ATP6V1H: variants seen among roughly 807,000 people sequenced by gnomAD.
ATP6V1H encodes V-type proton ATPase subunit H.
Under a neutral mutation model 71.7 loss-of-function variants are expected in ATP6V1H, and 39 were observed. The ratio of observed to expected loss-of-function variants is 0.54; its 90% confidence interval spans 0.42 to 0.71. The LOEUF (loss-of-function observed/expected upper bound fraction) is 0.71. ATP6V1H is among the 30% of genes least tolerant of loss of function. ATP6V1H has a pLI of 0.00. For missense variants in ATP6V1H, 509 were observed against 594.9 expected (o/e 0.86, Z 1.50); for synonymous variants, 192 against 199.3 (o/e 0.96, Z 0.31).
intron 1 of ATP6V1H, among the ~76,000 whole-genome samples, chr8:53,842,029 G>T (rs902341215): frequency 1.3e-5 from 2 of 152,034 alleles, no homozygotes; most frequent in Non-Finnish European, 2.9e-5. Context: ...AATAGAATAG[G>T]TATAAATATG....
intron 6 of ATP6V1H, 54 bp from the exon 7 acceptor site, chr8:53,811,271 G>A: frequency 6.6e-7 from 1 of 1,514,246 alleles, no homozygotes; most frequent in Non-Finnish European, 9.2e-7. Context: ...TTATCCTAAT[G>A]TATCAGCTTA....
chr8:53,801,393 T>C (rs977870978), intron 8 of ATP6V1H, among the ~76,000 whole-genome samples: 4 of 152,196 alleles, frequency 2.6e-5, no homozygotes, highest in Non-Finnish European at 5.9e-5. Context: ...CTCCTCAAAG[T>C]TTCTATACCT....
intron 13 of ATP6V1H, among the ~76,000 whole-genome samples, chr8:53,720,308 T>G (rs1373403207): frequency 6.6e-6 from 1 of 152,158 alleles, no homozygotes; most frequent in Non-Finnish European, 1.5e-5. Context: ...CTCCCCTTTT[T>G]AAAAACCCAA....
intron 11 of ATP6V1H, among the ~76,000 whole-genome samples, chr8:53,764,315 A>G (rs1808374375): frequency 6.6e-6 from 1 of 152,232 alleles, no homozygotes; most frequent in African/African-American, 2.4e-5. Flanking sequence ...ATAACATATA[A>G]AACGAATTAT....
chr8:53,811,469 A>G (rs779892043), intron 6 of ATP6V1H, among the ~76,000 whole-genome samples: 2 of 152,204 alleles, frequency 1.3e-5, no homozygotes, highest in Admixed American at 1.3e-4. Context: ...ACTGACTACT[A>G]AGCTCCAGGT....
chr8:53,839,644 A>G (rs886488809), intron 2 of ATP6V1H: 18 of 985,360 alleles, frequency 1.8e-5, no homozygotes, highest in Middle Eastern at 5.2e-4. Flanking sequence ...TGCTAGTAGA[A>G]CAATTCAATC....
intron 4 of ATP6V1H, among the ~76,000 whole-genome samples, chr8:53,819,326 G>A (rs1810554848): frequency 6.6e-6 from 1 of 151,586 alleles, no homozygotes; most frequent in African/African-American, 2.4e-5. Flanking sequence ...GAGGTCAGGA[G>A]TTCGAGACCA....
intron 4 of ATP6V1H, among the ~76,000 whole-genome samples, chr8:53,818,089 A>C (rs1486842667): frequency 6.6e-6 from 1 of 152,216 alleles, no homozygotes; most frequent in African/African-American, 2.4e-5. Context: ...GAAAATTCTT[A>C]GTTCCAATCA....
chr8:53,738,626 T>C (rs1290288216), intron 13 of ATP6V1H, among the ~76,000 whole-genome samples: 1 of 152,262 alleles, frequency 6.6e-6, no homozygotes, highest in South Asian at 2.1e-4. Flanking sequence ...ATTGATTTTA[T>C]GTTTAATTAT....
intron 11 of ATP6V1H, among the ~76,000 whole-genome samples, chr8:53,765,864 G>A (rs1808442358): frequency 6.6e-6 from 1 of 152,156 alleles, no homozygotes; most frequent in Non-Finnish European, 1.5e-5. Flanking sequence ...AAAGTCAGAG[G>A]ACTGACACTA....
Position 53,805,857 on chromosome 8 carries a change from T to C in ATP6V1H, c.580-3961A>G, listed in dbSNP as rs116006551. 4.2e-3 allele frequency among the ~76,000 whole-genome samples: 633 copies of C among 152,244 alleles called. 4 individuals carry two copies. Among genetic ancestry groups the C allele is most frequent in the African/African-American group, 0.014 (593 of 41,542 alleles). ...CAATGAATGAATTTCATAGACACAA[T>C]ATTAAGCAAGAGAGCTCAGACACAT... On this transcript the variant is annotated intron_variant, in intron 7 of 13. Transcript: ENST00000359530.
intron 12 of ATP6V1H, among the ~76,000 whole-genome samples, chr8:53,747,471 C>G (rs991038099): frequency 9.9e-5 from 15 of 151,294 alleles, no homozygotes; most frequent in African/African-American, 3.7e-4. Context: ...TCACTCTTCT[C>G]ACTCTTTTTT....
At chr8:53,758,623 T>C (rs1472382394) in intron 11 of ATP6V1H, among the ~76,000 whole-genome samples, 1 of 152,258 alleles carries the variant, frequency 6.6e-6, no homozygotes, top group African/African-American at 2.4e-5. Flanking sequence ...TCAAGGCAAG[T>C]TGAATCTATG....
At chr8:53,764,397 C>T (rs1808377904) in intron 11 of ATP6V1H, among the ~76,000 whole-genome samples, 1 of 152,106 alleles carries the variant, frequency 6.6e-6, no homozygotes, top group African/African-American at 2.4e-5. Flanking sequence ...ATTAATGTAG[C>T]CCATCACATC....
chr8:53,752,521 G>A (rs1469343295), intron 12 of ATP6V1H, among the ~76,000 whole-genome samples: 1 of 152,136 alleles, frequency 6.6e-6, no homozygotes. Flanking sequence ...AGCAATAAAG[G>A]GTAAGAAAAG....
intron 10 of ATP6V1H, among the ~76,000 whole-genome samples, chr8:53,771,092 G>A (rs1808635410): frequency 6.6e-6 from 1 of 152,270 alleles, no homozygotes; most frequent in South Asian, 2.1e-4. Flanking sequence ...GAAGGCATTT[G>A]CAGGGCAGAC....
chr8:53,822,900 C>A (rs1810705874), intron 4 of ATP6V1H, among the ~76,000 whole-genome samples: 1 of 152,004 alleles, frequency 6.6e-6, no homozygotes, highest in Non-Finnish European at 1.5e-5. Flanking sequence ...AAAAGGGACA[C>A]TTTTAATGAT....
intron 4 of ATP6V1H, among the ~76,000 whole-genome samples, chr8:53,822,722 CA>C (rs1313175597): frequency 2.6e-5 from 4 of 151,862 alleles, no homozygotes; most frequent in African/African-American, 9.7e-5. Context: ...TTTCAACTCA[CA>C]AACAAGACCC....
rs1452950293 is a variant in ATP6V1H at position 53,753,672 on chromosome 8, CATCT to C, written c.1277+2879_1277+2882del. On this transcript the variant is annotated intron_variant, in intron 12 of 13. Coordinates refer to ENST00000359530, the MANE Select transcript of ATP6V1H (RefSeq NM_015941.4). ...AAGAGGGCTCTATATACCATCTATC[CATCT>C]GTTTTTCATATTTAACACATTTTAA... is the stretch of plus-strand genomic sequence containing the variant. Among the ~76,000 whole-genome samples, 3 of 152,168 alleles carry C rather than the reference CATCT, an allele frequency of 2.0e-5. No individual in the cohort carries two copies. The East Asian group carries it at 5.8e-4, about 29-fold the overall frequency.
Sources: allele counts gnomAD v4.1 joint callset (sites outside exome capture counted in the v4.1 genomes callset), GRCh38; gene constraint gnomAD v4.1.1; transcripts MANE v1.5; gene names NCBI Gene and HGNC (gene_info 2026-07-23, HGNC 2026-07-21).